The following DCLK1 variants were observed in gnomAD, a reference collection of about 807,000 sequenced individuals.
DCLK1 encodes doublecortin like kinase 1, also known as serine/threonine-protein kinase DCLK1.
In DCLK1, 16 loss-of-function variants were observed where a neutral mutation model predicts 86.2. The observed-to-expected ratio is 0.19, with a 90% CI of 0.13 to 0.28. The LOEUF (loss-of-function observed/expected upper bound fraction) is 0.28. Among genes scored for constraint, DCLK1 ranks in the 10% least tolerant of loss-of-function variants. The pLI is 1.00. For missense variants in DCLK1, 590 were observed against 940.2 expected (o/e 0.63, Z 4.87); for synonymous variants, 369 against 370.5 (o/e 1.00, Z 0.05).
chr13:36,079,367 T>A (rs986410451), intron 3 of DCLK1, among the ~76,000 whole-genome samples: 5 of 152,174 alleles, frequency 3.3e-5, no homozygotes, highest in African/African-American at 9.6e-5. Flanking sequence ...CGGTAGCTCA[T>A]GCCTATAATC....
chr13:35,866,795 T>G (rs1871826406), intron 5 of DCLK1, among the ~76,000 whole-genome samples: 1 of 152,234 alleles, frequency 6.6e-6, no homozygotes, highest in Admixed American at 6.5e-5. Context: ...AAAATTCATG[T>G]TTGAGTCCAT....
Position 35,989,833 on chromosome 13 carries a change from T to C in DCLK1, c.724-42376A>G, listed in dbSNP as rs576466765. ...TCCTGAATTGCTGGGATTACAGGCA[T>C]AAGCCACCACATCCAGCAAAACATC... On this transcript the variant is annotated intron_variant, in intron 3 of 16. Transcript: ENST00000360631. Among the ~76,000 whole-genome samples the C allele has an allele frequency of 6.4e-4, 97 of 151,782 alleles. 1 individual carries two copies. The highest frequency in any genetic ancestry group is 6.3e-3 in the Admixed American group (96 of 15,178).
intron 3 of DCLK1, among the ~76,000 whole-genome samples, chr13:35,967,838 A>AT (rs1566625427): frequency 6.6e-6 from 1 of 151,800 alleles, no homozygotes; most frequent in Admixed American, 6.6e-5. Context: ...ACTAAAAAAA[A>AT]TTTAAAAAAA....
intron 3 of DCLK1, among the ~76,000 whole-genome samples, chr13:35,954,132 G>C (rs1348609043): frequency 3.3e-5 from 5 of 151,616 alleles, no homozygotes; most frequent in African/African-American, 1.2e-4. Flanking sequence ...CTTAATACCA[G>C]TTAAAGATGG....
chr13:35,826,626 TA>T (rs200185594), intron 10 of DCLK1, among the ~76,000 whole-genome samples: 4 of 150,400 alleles, frequency 2.7e-5, no homozygotes, highest in African/African-American at 2.4e-5. Flanking sequence ...ACCACTAAGT[TA>T]AAAAAAATGC....
chr13:36,119,196 C>T (rs1885894487), intron 2 of DCLK1, among the ~76,000 whole-genome samples: 1 of 152,090 alleles, frequency 6.6e-6, no homozygotes, highest in Non-Finnish European at 1.5e-5. Context: ...TTCTATATAT[C>T]CAGGTAGTTG....
At chr13:35,857,720 T>A (rs766284850) in intron 5 of DCLK1, among the ~76,000 whole-genome samples, 1 of 152,134 alleles carries the variant, frequency 6.6e-6, no homozygotes, top group Non-Finnish European at 1.5e-5. Flanking sequence ...ACAGTGAGAG[T>A]TGGCCTACGC....
At chr13:36,039,701 A>C (rs1030014209) in intron 3 of DCLK1, among the ~76,000 whole-genome samples, 7 of 152,164 alleles carry the variant, frequency 4.6e-5, no homozygotes, top group African/African-American at 1.7e-4. Context: ...AAGGTAAAAA[A>C]AAAAATCTTT....
At chr13:35,830,768 T>C (rs373527765) in intron 8 of DCLK1, among the ~76,000 whole-genome samples, 2 of 152,158 alleles carry the variant, frequency 1.3e-5, no homozygotes, top group Non-Finnish European at 2.9e-5. Flanking sequence ...GGGATGTTTG[T>C]GAGACTGAAA....
At chr13:36,032,871 A>C (rs1021969765) in intron 3 of DCLK1, among the ~76,000 whole-genome samples, 2 of 152,240 alleles carry the variant, frequency 1.3e-5, no homozygotes, top group Admixed American at 6.5e-5. Context: ...AGTTCCTTGC[A>C]TGGGAAAGAA....
intron 11 of DCLK1, 147 bp downstream of exon 11, chr13:35,822,582 C>T: frequency 8.9e-7 from 1 of 1,118,836 alleles, no homozygotes; most frequent in Non-Finnish European, 1.3e-6. Context: ...ACCTAAAAGG[C>T]TAGTTTCCAA....
chr13:36,028,841 G>A (rs1882152486), intron 3 of DCLK1, among the ~76,000 whole-genome samples: 1 of 152,210 alleles, frequency 6.6e-6, no homozygotes, highest in African/African-American at 2.4e-5. Context: ...AGCATGTTAA[G>A]AGAAAATTCC....
intron 4 of DCLK1, among the ~76,000 whole-genome samples, chr13:35,922,590 T>G (rs1875864223): frequency 6.6e-6 from 1 of 152,184 alleles, no homozygotes; most frequent in Non-Finnish European, 1.5e-5. Context: ...AAAAAAGCAC[T>G]GCGCAAACTG....
chr13:35,954,975 A>C (rs1414091036), intron 3 of DCLK1, among the ~76,000 whole-genome samples: 1 of 152,160 alleles, frequency 6.6e-6, no homozygotes, highest in Non-Finnish European at 1.5e-5. Flanking sequence ...TCGCTGGGTC[A>C]ATCAGAAAAA....
chr13:35,817,187 A>G (rs1007154396), intron 11 of DCLK1, among the ~76,000 whole-genome samples: 40 of 152,196 alleles, frequency 2.6e-4, no homozygotes, highest in African/African-American at 8.9e-4. Context: ...GGTGAAAATC[A>G]ATGTCTTCTT....
rs867794611 is a variant in DCLK1, at chr13:36,125,974, T to G, written c.164A>C (p.Lys55Thr). 1.9e-6 allele frequency: 3 copies of G among 1,614,068 alleles called. No homozygotes were observed. The Admixed American group carries it at 5.0e-5, about 27-fold the overall frequency. ...RTLQTLSSEK[K>T]AKKVRFYRNG... is the part of the protein sequence containing the mutation. The stretch of plus-strand genomic sequence containing the variant: ...TCGATAGAAACGAACTTTCTTGGCC[T>G]TCTTCTCGGAGCTGAGCGTCTGCAG... Residue 55 changes from lysine to threonine, a missense_variant, in exon 2 of 17, where the codon AAG becomes ACG. Physicochemically the swap from Lys to Thr is moderately conservative, Grantham distance 78. Coordinates refer to ENST00000360631, the MANE Select transcript of DCLK1 (RefSeq NM_001330071.2).
At chr13:36,129,660 G>A (rs1886299719) in intron 1 of DCLK1, among the ~76,000 whole-genome samples, 1 of 152,204 alleles carries the variant, frequency 6.6e-6, no homozygotes, top group Non-Finnish European at 1.5e-5. Flanking sequence ...TTCTGCACAG[G>A]AAGGCTGCGA....
intron 3 of DCLK1, among the ~76,000 whole-genome samples, chr13:35,980,568 T>C (rs1368125541): frequency 2.6e-5 from 4 of 152,198 alleles, no homozygotes; most frequent in African/African-American, 9.7e-5. Context: ...TTTCTGTCTT[T>C]TTAATTTTGA....
At chr13:36,127,621 T>A (rs193130751) in intron 1 of DCLK1, among the ~76,000 whole-genome samples, 3 of 152,338 alleles carry the variant, frequency 2.0e-5, no homozygotes. Context: ...AAGTACTAAT[T>A]TTTTTATTAA....
Sources: allele counts gnomAD v4.1 joint callset (sites outside exome capture counted in the v4.1 genomes callset), GRCh38; gene constraint gnomAD v4.1.1; transcripts MANE v1.5; gene names NCBI Gene and HGNC (gene_info 2026-07-23, HGNC 2026-07-21).